TET3: variants seen among roughly 807,000 people sequenced by gnomAD.
TET3 encodes tet methylcytosine dioxygenase 3, also known as methylcytosine dioxygenase TET3.
In TET3, 19 loss-of-function variants were observed where a neutral mutation model predicts 141.4. The observed-to-expected ratio is 0.13, with a 90% CI of 0.09 to 0.20. The LOEUF is 0.20. Among genes scored for constraint, TET3 ranks in the 10% least tolerant of loss-of-function variants. TET3 has a pLI of 1.00. For synonymous variants in TET3, 1,043 were observed against 980.9 expected, an observed-to-expected ratio of 1.06 and a Z score of -1.18; for missense variants, 1,874 against 2,356.9, an observed-to-expected ratio of 0.80 and a Z score of 4.24.
Position 74,003,160 on chromosome 2 carries a change from T to C in TET3, c.354T>C (p.Ala118=), listed in dbSNP as rs756089611. ...CCGGGCCGTGGGGACAAGGAGCGGC[T>C]GTCAAGGTACCTTGTGTGTGTGCGT... ...EGAGPWGQGA[A]VKTGSELSPV... Residue 118 remains alanine, a synonymous_variant, in exon 3 of 12, where the codon GCT becomes GCC. Transcript: ENST00000409262. 6.5e-6 allele frequency: 10 copies of C among 1,549,910 alleles called. No homozygotes were observed. In the South Asian group the frequency reaches 1.2e-4, roughly 18 times the overall value.
At chr2:74,112,563 AAAC>A (rs1691729011), downstream of TET3, among the ~76,000 whole-genome samples, 2 of 152,246 alleles carry the variant, frequency 1.3e-5, no homozygotes, top group Admixed American at 6.5e-5. Flanking sequence ...ACTACATAAA[AAAC>A]AATATGCAGA....
chr2:74,002,676 C>T, intron 2 of TET3: 2 of 410,512 alleles, frequency 4.9e-6, no homozygotes, highest in Middle Eastern at 6.3e-4. Context: ...ACCAGCCCCG[C>T]GGCGGGGAGG....
At position 74,037,755 on chromosome 2, in the gene TET3, T is replaced by C. The variant is rs551353529; in HGVS notation, c.361-8523T>C. ...TCTGTTCCTCTTGTAACTTCCCCTT[T>C]CTTAAAGGCCTTAAGAAGGTATAGC... On this transcript the variant is annotated intron_variant, in intron 3 of 11. Coordinates refer to ENST00000409262, the MANE Select transcript of TET3 (RefSeq NM_001287491.2). Among the ~76,000 whole-genome samples the C allele has an allele frequency of 3.3e-5, 5 of 152,360 alleles. No homozygotes were observed. The South Asian group carries it at 1.0e-3, about 32-fold the overall frequency.
chr2:74,100,634 G>A lies in TET3; in HGVS notation c.3846G>A (p.Pro1282=), dbSNP rs373796119. 19 of 1,613,868 alleles carry A rather than the reference G, an allele frequency of 1.2e-5. No individual in the cohort carries two copies. Among genetic ancestry groups the A allele is most frequent in the Admixed American group, 1.7e-5 (1 of 59,998 alleles). ...GCTTCCACTCCAAGTACGCTCTCCC[G>A]TCTTTTAGCTACTATGGCTTTCCAT... ...VNGFHSKYAL[P]SFSYYGFPSS... is the part of the protein sequence containing the mutation. The change falls in exon 12 of 12, where the codon CCG becomes CCA. Residue 1282 remains proline, a synonymous_variant. Transcript: ENST00000409262.
At chr2:74,125,289 G>A in the TET3 span, among the ~76,000 whole-genome samples, 1 of 148,918 alleles carries the variant, frequency 6.7e-6, no homozygotes, top group Non-Finnish European at 1.5e-5. Context: ...GCCTCACTTG[G>A]ATTATTTTTT....
intron 4 of TET3, among the ~76,000 whole-genome samples, chr2:74,055,613 A>C (rs947554536): frequency 6.6e-6 from 1 of 152,236 alleles, no homozygotes; most frequent in African/African-American, 2.4e-5. Flanking sequence ...CACTAAAATT[A>C]TATCAGGAAA....
At chr2:74,082,956 T>C (rs1319285984) in intron 6 of TET3, among the ~76,000 whole-genome samples, 1 of 152,196 alleles carries the variant, frequency 6.6e-6, no homozygotes, top group Non-Finnish European at 1.5e-5. Context: ...CCTGGTACAG[T>C]GTCCAGAGCC....
At chr2:74,079,138 G>A (rs1372480217) in intron 5 of TET3, among the ~76,000 whole-genome samples, 4 of 152,192 alleles carry the variant, frequency 2.6e-5, no homozygotes, top group Non-Finnish European at 5.9e-5. Context: ...CATGAGGTCA[G>A]GAGTTCAAGA....
intron 3 of TET3, among the ~76,000 whole-genome samples, chr2:74,027,850 A>G (rs1176874708): frequency 2.6e-5 from 4 of 152,214 alleles, no homozygotes; most frequent in Middle Eastern, 3.2e-3. Context: ...TTGTGTGAAC[A>G]TGCCCATTTT....
At chr2:74,118,880 ATT>A in the TET3 span, among the ~76,000 whole-genome samples, 1 of 152,220 alleles carries the variant, frequency 6.6e-6, no homozygotes, top group African/African-American at 2.4e-5. Context: ...ATTATCTAAT[ATT>A]GAGTTCATAT....
intron 11 of TET3, among the ~76,000 whole-genome samples, 171 bp downstream of exon 11, chr2:74,099,783 T>TG (rs1180765700): frequency 2.0e-5 from 3 of 152,148 alleles, no homozygotes; most frequent in Non-Finnish European, 4.4e-5. Flanking sequence ...GCCGTGGGGA[T>TG]GCAAGTACAG....
chr2:74,070,655 G>C (rs1252481987), intron 4 of TET3, among the ~76,000 whole-genome samples: 1 of 152,126 alleles, frequency 6.6e-6, no homozygotes, highest in Non-Finnish European at 1.5e-5. Context: ...TGAATTATGG[G>C]TTGTGTCTTT....
chr2:74,086,630 A>T (rs991344790), intron 6 of TET3, among the ~76,000 whole-genome samples: 7 of 152,062 alleles, frequency 4.6e-5, no homozygotes, highest in Middle Eastern at 6.8e-3. Flanking sequence ...CTCTTAAAAA[A>T]TTTTAAAAAG....
the TET3 span, among the ~76,000 whole-genome samples, chr2:74,133,042 C>T: frequency 6.6e-6 from 1 of 151,278 alleles, no homozygotes; most frequent in Non-Finnish European, 1.5e-5. Context: ...GGACTACAGG[C>T]ATGTGCCACT....
intron 8 of TET3, among the ~76,000 whole-genome samples, chr2:74,092,575 C>T (rs1389240945): frequency 6.6e-6 from 1 of 152,154 alleles, no homozygotes; most frequent in African/African-American, 2.4e-5. Context: ...GCACCTCTGA[C>T]CTACGGTGTT....
chr2:74,093,003 T>C lies in TET3; in HGVS notation c.3129+12T>C. Reference sequence around the variant, plus strand: ...CCTATCAGAACCAGGTAACGGGCCCTGGGCCTTTTGCTGCCCACATGTCAC... The same window carrying C: ...CCTATCAGAACCAGGTAACGGGCCCCGGGCCTTTTGCTGCCCACATGTCAC... On this transcript the variant is annotated intron_variant, in intron 9 of 11. Coordinates refer to ENST00000409262, the MANE Select transcript of TET3 (RefSeq NM_001287491.2). This position sits in a 1 kb window ranked among gnomAD's most constrained non-coding sequence, Gnocchi z 4.2. 1 of 1,558,286 alleles carries C rather than the reference T, an allele frequency of 6.4e-7. No homozygotes were observed. Among genetic ancestry groups the C allele is most frequent in the African/African-American group, 1.4e-5 (1 of 73,484 alleles).
At chr2:74,124,726 G>T in the TET3 span, among the ~76,000 whole-genome samples, 1 of 152,054 alleles carries the variant, frequency 6.6e-6, no homozygotes, top group Non-Finnish European at 1.5e-5. Flanking sequence ...CTTGAAGGCA[G>T]CATGCTCGTT....
rs1217515956 is a variant in TET3, at chr2:74,047,430, C to G, written c.1513C>G (p.Pro505Ala). ...TTCCTCCCCGGCCCCGGCCCCATCC[C>G]CTGTACTTCAGAGGGAGGCTCCCAC... ...PSSSPAPAPS[P>A]VLQREAPTPS... Residue 505 changes from proline (P) to alanine (A), a missense_variant, in exon 4 of 12, where the codon CCT becomes GCT. This residue lies in a region of TET3 where 484 missense variants were observed against 462.2 expected (regional missense o/e 1.05). Transcript: ENST00000409262. 1 of 1,612,942 alleles carries G rather than the reference C, an allele frequency of 6.2e-7. No homozygotes were observed. Among genetic ancestry groups the G allele is most frequent in the South Asian group, 1.1e-5 (1 of 91,044 alleles).
chr2:74,005,770 A>C (rs927413551), intron 3 of TET3, among the ~76,000 whole-genome samples: 1 of 152,240 alleles, frequency 6.6e-6, no homozygotes, highest in Admixed American at 6.5e-5. Flanking sequence ...ATGAGTCCAC[A>C]TAGTGCCTAG....
Sources: allele counts gnomAD v4.1 joint callset (sites outside exome capture counted in the v4.1 genomes callset), GRCh38; gene constraint gnomAD v4.1.1; regional missense constraint gnomAD v4.1.1; non-coding constraint Gnocchi (gnomAD v3.1); transcripts MANE v1.5; gene names NCBI Gene and HGNC (gene_info 2026-07-23, HGNC 2026-07-21).